CHCHD2: variants seen among roughly 807,000 people sequenced by gnomAD.
CHCHD2 encodes the protein coiled-coil-helix-coiled-coil-helix domain containing 2, also known as coiled-coil-helix-coiled-coil-helix domain-containing protein 2.
A neutral mutation model predicts 17.5 loss-of-function variants in CHCHD2; 17 were observed. That is an observed-to-expected ratio of 0.97 (90% CI 0.67 to 1.46). CHCHD2 has a LOEUF of 1.46. CHCHD2 is among the 40% of genes most tolerant of loss of function. The pLI is 0.00. For synonymous variants in CHCHD2, 63 were observed against 74.3 expected (o/e 0.85, Z 0.78); for missense variants, 175 against 199.9 (o/e 0.88, Z 0.75).
chr7:56,106,430 C>CT lies in CHCHD2; in HGVS notation c.-18dup. On this transcript the variant is annotated 5_prime_UTR_variant, in exon 1 of 4. Coordinates refer to ENST00000395422, the MANE Select transcript of CHCHD2 (RefSeq NM_016139.4). ...ACGCGGCATCCTAGGTAAGCGACGG[C>CT]TAGGCCTCCGGACGTGGGACAACCA... The CT allele has an allele frequency of 6.2e-7, 1 of 1,613,178 alleles. No individual in the cohort carries two copies. Among genetic ancestry groups the CT allele is most frequent in the Non-Finnish European group, 8.5e-7 (1 of 1,179,458 alleles).
chr7:56,101,756 T>C lies in CHCHD2; in HGVS notation c.*95A>G, dbSNP rs1785288506. 8.4e-7 allele frequency: 1 copy of C among 1,186,026 alleles called. No homozygotes were observed. The highest frequency in any genetic ancestry group is 1.2e-6 in the Non-Finnish European group (1 of 810,668). The allele number at this position is 1,186,026 out of a possible 1,614,324, so 73.5% of individuals were successfully genotyped here. A position where few individuals can be genotyped will look rare whatever the true frequency, so the allele number is the denominator to read the frequency against. On this transcript the variant is annotated 3_prime_UTR_variant, in exon 4 of 4. Transcript: ENST00000395422. ...ATGACAGGAGAGGTTTAACTGATGG[T>C]TACACTTTATACCCTCACTATCAAT...
rs371198317 is a variant in CHCHD2 at position 56,104,425 on chromosome 7, G to A, written c.101C>T (p.Pro34Leu). 9.3e-5 allele frequency: 149 copies of A among 1,610,074 alleles called. No homozygotes were observed. Among genetic ancestry groups the A allele is most frequent in the Admixed American group, 2.5e-4 (15 of 59,608 alleles). The part of the protein sequence containing the change: ...AAPRPAPVAQ[P>L]PAAAPPSAVG... ...TGCAGATGGGGGTGCCGCTGCTGGT[G>A]GCTGAGCGACTGGTGCTGGCCTGGG... Residue 34 changes from proline (P) to leucine (L), a missense_variant, in exon 2 of 4, where the codon CCA becomes CTA. Physicochemically the swap from Pro to Leu is moderately conservative, Grantham distance 98. Coordinates refer to ENST00000395422, the MANE Select transcript of CHCHD2 (RefSeq NM_016139.4).
chr7:56,104,912 A>AT (rs752149986), intron 1 of CHCHD2, among the ~76,000 whole-genome samples: 1,407 of 115,926 alleles, frequency 0.012, 16 homozygotes, highest in African/African-American at 0.035. Flanking sequence ...GCACGGCCTA[A>AT]TTTTTTTTTT....
Position 56,104,428 on chromosome 7 carries a change from T to G in CHCHD2, c.98A>C (p.Gln33Pro), listed in dbSNP as rs1180451942. 2 of 1,609,896 alleles carry G rather than the reference T, an allele frequency of 1.2e-6. No homozygotes were observed. The highest frequency in any genetic ancestry group is 2.7e-5 in the African/African-American group (2 of 74,786). ...AGATGGGGGTGCCGCTGCTGGTGGC[T>G]GAGCGACTGGTGCTGGCCTGGGTGC... ...RAAPRPAPVA[Q>P]PPAAAPPSAV... Residue 33 changes from glutamine to proline, a missense_variant, in exon 2 of 4, where the codon CAG becomes CCG. Transcript: ENST00000395422.
chr7:56,104,611 A>ATTT, intron 1 of CHCHD2, 136 bp from the exon 2 acceptor site: 52 of 846,434 alleles, frequency 6.1e-5, no homozygotes, highest in Non-Finnish European at 7.8e-5. Flanking sequence ...TCTCTCTTCA[A>ATTT]TTTTTTTTTT....
intron 2 of CHCHD2, among the ~76,000 whole-genome samples, chr7:56,103,431 G>A (rs1003092239): frequency 3.9e-5 from 6 of 152,074 alleles, no homozygotes; most frequent in Non-Finnish European, 5.9e-5. Flanking sequence ...ATAACAGAGC[G>A]AGACTCCACC....
At chr7:56,105,508 G>A (rs2115585946) in intron 1 of CHCHD2, among the ~76,000 whole-genome samples, 1 of 152,318 alleles carries the variant, frequency 6.6e-6, no homozygotes, top group South Asian at 2.1e-4. Flanking sequence ...CGGAGTGGTG[G>A]CTCTTGCCTG....
intron 2 of CHCHD2, among the ~76,000 whole-genome samples, chr7:56,103,840 A>G (rs1042091572): frequency 6.6e-6 from 1 of 152,254 alleles, no homozygotes; most frequent in Non-Finnish European, 1.5e-5. Context: ...AAGCCCACAC[A>G]CATCAGAAAG....
rs1236532162 is a variant in CHCHD2 at position 56,106,470 on chromosome 7, G to T, written c.-57C>A. ...TGGGACAACCACCGAAGAGCTAAGCGACTTCTGAGGAGACCGGAAGATGGG... is the reference window on the plus strand; with the variant it reads ...TGGGACAACCACCGAAGAGCTAAGCTACTTCTGAGGAGACCGGAAGATGGG... On this transcript the variant is annotated 5_prime_UTR_variant, in exon 1 of 4. Transcript: ENST00000395422. The T allele has an allele frequency of 1.3e-6, 2 of 1,546,142 alleles. No individual in the cohort carries two copies. The highest frequency in any genetic ancestry group is 1.1e-5 in the South Asian group (1 of 89,484).
chr7:56,104,078 G>A (rs977812305), intron 2 of CHCHD2, 148 bp downstream of exon 2: 93 of 1,040,510 alleles, frequency 8.9e-5, no homozygotes, highest in African/African-American at 1.7e-4. Context: ...GTAACTCAAC[G>A]GCCAAATGTG....
chr7:56,101,855 G>A lies in CHCHD2; in HGVS notation c.452C>T (p.Ala151Val), dbSNP rs1785290361. ...LKQCRLANGL[A>V] ...TCTCCAGGTTGAACTTCTTCATTAG[G>A]CCAATCCTGCAAACAGAAAAGATTA... The change falls in exon 4 of 4, where the codon GCC becomes GTC. Residue 151 changes from alanine (A) to valine (V), a missense_variant. Ala to Val is a moderately conservative substitution (Grantham distance 64, BLOSUM62 0). Transcript: ENST00000395422. 6.2e-7 allele frequency: 1 copy of A among 1,612,536 alleles called. No homozygotes were observed. The highest frequency in any genetic ancestry group is 1.7e-5 in the Admixed American group (1 of 59,842).
At chr7:56,103,430 C>T (rs541661715) in intron 2 of CHCHD2, among the ~76,000 whole-genome samples, 9 of 151,994 alleles carry the variant, frequency 5.9e-5, no homozygotes, top group East Asian at 1.9e-4. Flanking sequence ...GATAACAGAG[C>T]GAGACTCCAC....
rs757126911 is a variant in CHCHD2 at position 56,104,375 on chromosome 7, G to A, written c.151C>T (p.Arg51Trp). 9.7e-5 allele frequency: 157 copies of A among 1,612,366 alleles called. No individual in the cohort carries two copies. The highest frequency in any genetic ancestry group is 1.9e-4 in the Middle Eastern group (1 of 5,392). Residue 51 changes from arginine to tryptophan, a missense_variant, in exon 2 of 4, where the codon CGG becomes TGG. By Grantham distance (101) the Arg-to-Trp change is moderately radical. Coordinates refer to ENST00000395422, the MANE Select transcript of CHCHD2 (RefSeq NM_016139.4). ...SAVGSSAAAP[R>W]QPGLMAQMAT... is the part of the protein sequence containing the mutation. ...ATCTGGGCCATCAGACCTGGCTGCC[G>A]GGGCGCAGCAGCAGAAGAGCCAACT...
In CHCHD2 at chr7:56,106,429, G is replaced by C. The variant is rs773975043; in HGVS notation, c.-16C>G. On this transcript the variant is annotated 5_prime_UTR_variant, in exon 1 of 4. Transcript: ENST00000395422. ...CACGCGGCATCCTAGGTAAGCGACG[G>C]CTAGGCCTCCGGACGTGGGACAACC... 3.7e-6 allele frequency: 6 copies of C among 1,613,144 alleles called. No homozygotes were observed. Among genetic ancestry groups the C allele is most frequent in the East Asian group, 2.2e-5 (1 of 44,842 alleles).
rs543907603 is a variant in CHCHD2, at chr7:56,101,886, G to A, written c.446-25C>T. ...CCTGCAAACAGAAAAGATTAAGTTA[G>A]AAGAATGCTAGCTTCGTATACTCAA... On this transcript the variant is annotated intron_variant, in intron 3 of 3. Transcript: ENST00000395422. 3.1e-6 allele frequency: 5 copies of A among 1,611,530 alleles called. No individual in the cohort carries two copies. In the South Asian group the frequency reaches 5.5e-5, roughly 18 times the overall value.
At chr7:56,106,014 C>T (rs992255872) in intron 1 of CHCHD2, among the ~76,000 whole-genome samples, 2 of 152,138 alleles carry the variant, frequency 1.3e-5, no homozygotes, top group African/African-American at 2.4e-5. Context: ...ATGTCCTGCA[C>T]GTATTTAAAA....
rs754075771 is a variant in CHCHD2, at chr7:56,101,872, A to G, written c.446-11T>C. On this transcript the variant is annotated splice_polypyrimidine_tract_variant and intron_variant, in intron 3 of 3. Transcript: ENST00000395422. ...TTCATTAGGCCAATCCTGCAAACAG[A>G]AAAGATTAAGTTAGAAGAATGCTAG... 18 of 1,612,870 alleles carry G rather than the reference A, an allele frequency of 1.1e-5. No individual in the cohort carries two copies. The highest frequency in any genetic ancestry group is 1.4e-5 in the Non-Finnish European group (16 of 1,179,262).
chr7:56,106,304 C>T (rs1785383135), intron 1 of CHCHD2, 60 bp downstream of exon 1: 2 of 1,535,332 alleles, frequency 1.3e-6, no homozygotes, highest in African/African-American at 2.8e-5. Flanking sequence ...CCCTCTGCGT[C>T]ATTGCCCCAG....
intron 2 of CHCHD2, 127 bp downstream of exon 2, chr7:56,104,099 C>T: frequency 7.8e-7 from 1 of 1,282,302 alleles, no homozygotes; most frequent in Non-Finnish European, 1.1e-6. Context: ...GCTTTAAAAC[C>T]CATTGTCTAT....
Sources: gnomAD v4.1 joint callset for allele counts (sites outside exome capture counted in the v4.1 genomes callset) on GRCh38, gnomAD v4.1.1 for gene constraint, MANE v1.5 for transcripts, NCBI Gene and HGNC (gene_info 2026-07-23, HGNC 2026-07-21) for gene names.